The following S100A13 variants were observed in gnomAD, a reference collection of about 807,000 sequenced individuals.
S100A13 encodes S100 calcium binding protein A13.
Under a neutral mutation model 8.2 loss-of-function variants are expected in S100A13, and 6 were observed. The ratio of observed to expected loss-of-function variants is 0.73; its 90% CI spans 0.40 to 1.44. S100A13 has a LOEUF of 1.44. Among genes scored for constraint, S100A13 ranks in the 40% most tolerant of loss-of-function variants. The probability of loss-of-function intolerance (pLI) is 0.02; values close to 1 mark genes in which losing one functional copy is unlikely to be tolerated. For missense variants in S100A13, 114 were observed against 113.6 expected (o/e 1.00, Z -0.02); for synonymous variants, 39 against 45.9 (o/e 0.85, Z 0.61).
At chr1:153,621,428 AT>A (rs1201535263) in intron 2 of S100A13, among the ~76,000 whole-genome samples, 1 of 151,826 alleles carries the variant, frequency 6.6e-6, no homozygotes, top group African/African-American at 2.4e-5. Context: ...AAGGTCTGGG[AT>A]TACAGGCATG....
At chr1:153,631,518 G>T, upstream of S100A13, 1 of 1,613,416 alleles carries the variant, frequency 6.2e-7, no homozygotes, top group Non-Finnish European at 8.5e-7. Flanking sequence ...CCAGGTGAAA[G>T]AGCTTATGCT....
upstream of S100A13, chr1:153,631,799 T>G (rs1321710387): frequency 2.5e-6 from 4 of 1,614,134 alleles, no homozygotes; most frequent in Admixed American, 1.7e-5. Context: ...TTGTGGCTGC[T>G]CTCACAGTGG....
In S100A13 at chr1:153,620,040, G is replaced by A. The variant is rs570423515; in HGVS notation, c.154-1002C>T. ...GGTGGCTCACGCCTGTAATCTCAACGCTTTGGGAGGCTGAGGTGGGCGGAT... is the reference window on the plus strand; with the variant it reads ...GGTGGCTCACGCCTGTAATCTCAACACTTTGGGAGGCTGAGGTGGGCGGAT... On this transcript the variant is annotated intron_variant, in intron 2 of 2. Coordinates refer to ENST00000476133, the MANE Select transcript of S100A13 (RefSeq NM_001024211.2). 4.9e-4 allele frequency among the ~76,000 whole-genome samples: 75 copies of A among 152,082 alleles called. No homozygotes were observed. In the South Asian group the frequency reaches 0.011, roughly 21 times the overall value.
At chr1:153,629,017 G>A (rs192147557), upstream of S100A13, 1 of 156,828 alleles carries the variant, frequency 6.4e-6, no homozygotes, top group Admixed American at 6.1e-5. Context: ...TGGGGAAGCA[G>A]AGATGTAGGG....
intron 2 of S100A13, among the ~76,000 whole-genome samples, chr1:153,621,386 ACCT>A (rs937127225): frequency 1.6e-4 from 25 of 151,784 alleles, no homozygotes; most frequent in Admixed American, 1.2e-3. Context: ...CAAACTCCTG[ACCT>A]CAGGTGATCC....
At chr1:153,623,487 G>A (rs1003961853) in intron 2 of S100A13, among the ~76,000 whole-genome samples, 15 of 151,882 alleles carry the variant, frequency 9.9e-5, no homozygotes, top group Non-Finnish European at 2.2e-4. Context: ...CTGGGTTCAA[G>A]CAATTTTCCT....
upstream of S100A13, chr1:153,632,961 G>A (rs1668113962): frequency 6.6e-6 from 1 of 152,114 alleles, no homozygotes; most frequent in African/African-American, 2.4e-5. Flanking sequence ...CTTGAGGTCA[G>A]GAGTTGGAGA....
upstream of S100A13, chr1:153,628,552 G>T: frequency 6.5e-7 from 1 of 1,545,280 alleles, no homozygotes; most frequent in Non-Finnish European, 8.7e-7. Flanking sequence ...AGGGAGAGGG[G>T]TCTTCAGAAG....
upstream of S100A13, chr1:153,630,515 T>C: frequency 6.2e-7 from 1 of 1,613,978 alleles, no homozygotes; most frequent in Non-Finnish European, 8.5e-7. Context: ...GTAGGTGCAC[T>C]GCTGCAATGG....
upstream of S100A13, chr1:153,631,913 T>C (rs1668034422): frequency 6.4e-7 from 1 of 1,559,908 alleles, no homozygotes; most frequent in African/African-American, 1.3e-5. Flanking sequence ...TGCTTCCACC[T>C]CACCCCACTT....
At chr1:153,627,041 C>G (rs1667691042) in intron 1 of S100A13, 1 of 153,696 alleles carries the variant, frequency 6.5e-6, no homozygotes, top group Non-Finnish European at 1.4e-5. Flanking sequence ...CTAACCGCTC[C>G]TCCCAGCAGA....
chr1:153,619,242 G>A (rs1426151449), intron 2 of S100A13, among the ~76,000 whole-genome samples: 2 of 151,336 alleles, frequency 1.3e-5, no homozygotes, highest in Non-Finnish European at 2.9e-5. Flanking sequence ...AGAGAAAGGT[G>A]GGGGGGCCTG....
upstream of S100A13, chr1:153,632,266 C>CTTTTTTTTT (rs397863604): frequency 1.1e-5 from 1 of 91,818 alleles, no homozygotes; most frequent in Non-Finnish European, 2.0e-5. Context: ...AAGAAATAAT[C>CTTTTTTTTT]TTTTTTTTTT....
chr1:153,629,238 G>C (rs1667864835), upstream of S100A13: 1 of 152,228 alleles, frequency 6.6e-6, no homozygotes, highest in Admixed American at 6.6e-5. Flanking sequence ...CTCTGGCATG[G>C]AGCAGGTAAT....
At chr1:153,630,902 C>T, upstream of S100A13, 1 of 505,278 alleles carries the variant, frequency 2.0e-6, no homozygotes, top group Non-Finnish European at 3.5e-6. Flanking sequence ...AATAATAAGA[C>T]ACACAGACTT....
chr1:153,631,617 GCTC>G (rs1467064619), upstream of S100A13: 1 of 1,613,542 alleles, frequency 6.2e-7, no homozygotes, highest in African/African-American at 1.3e-5. Flanking sequence ...TTTGCCTCCT[GCTC>G]CTCAACCACC....
At chr1:153,630,938 G>A (rs999849238), upstream of S100A13, 24 of 467,238 alleles carry the variant, frequency 5.1e-5, no homozygotes, top group Admixed American at 7.9e-4. Flanking sequence ...ACACTTAAAA[G>A]TAAACCATGA....
At chr1:153,626,240 G>A (rs906048586) in intron 2 of S100A13, 80 bp downstream of exon 2, 62 of 1,320,488 alleles carry the variant, frequency 4.7e-5, no homozygotes, top group South Asian at 2.4e-4. Flanking sequence ...TCACCTCACC[G>A]TACTCGGCAC....
chr1:153,622,683 T>C (rs936758520), intron 2 of S100A13, among the ~76,000 whole-genome samples: 1 of 152,198 alleles, frequency 6.6e-6, no homozygotes, highest in African/African-American at 2.4e-5. Flanking sequence ...AGTTTCCATA[T>C]ATGTGAAGTG....
Sources: gnomAD v4.1 joint callset for allele counts (sites outside exome capture counted in the v4.1 genomes callset) on GRCh38, gnomAD v4.1.1 for gene constraint, MANE v1.5 for transcripts, NCBI Gene and HGNC (gene_info 2026-07-23, HGNC 2026-07-21) for gene names.